The following COL25A1 variants were observed in gnomAD, a reference collection of about 807,000 sequenced individuals.
COL25A1 encodes the protein collagen alpha-1(XXV) chain.
In COL25A1, 103 loss-of-function variants were observed where a neutral mutation model predicts 128.4. The ratio of observed to expected loss-of-function variants is 0.80; its 90% CI spans 0.68 to 0.94. The LOEUF is 0.94. Among genes scored for constraint, COL25A1 ranks in the 40% least tolerant of loss-of-function variants. COL25A1 has a pLI of 0.00. For missense variants in COL25A1, 745 were observed against 840.0 expected, an observed-to-expected ratio of 0.89 and a Z score of 1.40; for synonymous variants, 279 against 277.2, an observed-to-expected ratio of 1.01 and a Z score of -0.06.
rs1362011627 is a variant in COL25A1, at chr4:109,218,366, T to TTGTTTG, written c.367+82216_367+82217insCAAACA. On this transcript the variant is annotated intron_variant, in intron 3 of 37. Coordinates refer to ENST00000399132, the MANE Select transcript of COL25A1 (RefSeq NM_198721.4). The stretch of plus-strand genomic sequence containing the variant: ...TTGCTGGTTTTTTGGGGTTTTTTTT[T>TTGTTTG]TTTTTTTTTTTTTTTTGCTTTTGAA... Among the ~76,000 whole-genome samples the TTGTTTG allele has an allele frequency of 3.2e-3, 433 of 134,074 alleles. 5 individuals carry two copies. Among genetic ancestry groups the TTGTTTG allele is most frequent in the African/African-American group, 0.012 (409 of 33,706 alleles). The allele number at this position is 134,074 out of a possible 152,430, so 88.0% of individuals were successfully genotyped here.
intron 3 of COL25A1, among the ~76,000 whole-genome samples, chr4:109,160,709 G>A (rs1772489786): frequency 6.6e-6 from 1 of 152,094 alleles, no homozygotes; most frequent in Non-Finnish European, 1.5e-5. Context: ...AGAGCTCTAT[G>A]ACCCACGCAC....
chr4:108,848,183 T>C (rs1288639615), intron 27 of COL25A1, among the ~76,000 whole-genome samples: 1 of 152,222 alleles, frequency 6.6e-6, no homozygotes, highest in Admixed American at 6.5e-5. Flanking sequence ...ACAGATTGTA[T>C]GTGGCCTGTA....
chr4:109,237,331 C>T (rs898214111), intron 3 of COL25A1, among the ~76,000 whole-genome samples: 3 of 151,974 alleles, frequency 2.0e-5, no homozygotes, highest in African/African-American at 7.2e-5. Flanking sequence ...AATTTGTCTC[C>T]ATTCATAAGT....
At chr4:108,942,137 A>T in intron 8 of COL25A1, 1 of 1,480,558 alleles carries the variant, frequency 6.8e-7, no homozygotes, top group South Asian at 1.2e-5. Context: ...CGGCAAGCCA[A>T]TTGAATGGTT....
chr4:109,157,275 T>G (rs1205137438), intron 3 of COL25A1, among the ~76,000 whole-genome samples: 1 of 152,198 alleles, frequency 6.6e-6, no homozygotes, highest in South Asian at 2.1e-4. Flanking sequence ...TCTCGTATCT[T>G]CAAGATTGTC....
chr4:109,274,188 T>C (rs1258160232), intron 3 of COL25A1, among the ~76,000 whole-genome samples: 1 of 149,368 alleles, frequency 6.7e-6, no homozygotes, highest in Non-Finnish European at 1.5e-5. Context: ...TTCAATCAAA[T>C]GTTCTATTTA....
chr4:109,245,948 A>G (rs938561436), intron 3 of COL25A1, among the ~76,000 whole-genome samples: 1 of 149,584 alleles, frequency 6.7e-6, no homozygotes, highest in Non-Finnish European at 1.5e-5. Context: ...TAGGAGAGAT[A>G]TGCAGAGGCC....
At chr4:109,292,903 T>C (rs1481361907) in intron 3 of COL25A1, among the ~76,000 whole-genome samples, 2 of 152,102 alleles carry the variant, frequency 1.3e-5, no homozygotes, top group African/African-American at 4.8e-5. Flanking sequence ...CAAAGTTCAC[T>C]TAGGAGCCCT....
intron 3 of COL25A1, among the ~76,000 whole-genome samples, chr4:109,177,762 G>A (rs904840549): frequency 1.3e-5 from 2 of 152,180 alleles, no homozygotes; most frequent in African/African-American, 4.8e-5. Context: ...AATTTAAAAC[G>A]AAAGCATAAA....
intron 8 of COL25A1, among the ~76,000 whole-genome samples, chr4:108,973,431 C>T (rs139043474): frequency 4.6e-5 from 7 of 152,294 alleles, no homozygotes; most frequent in Non-Finnish European, 8.8e-5. Flanking sequence ...GGAGATAATA[C>T]AACTACAAAC....
intron 3 of COL25A1, among the ~76,000 whole-genome samples, chr4:109,136,578 G>T (rs887396330): frequency 1.3e-5 from 2 of 152,200 alleles, no homozygotes; most frequent in African/African-American, 4.8e-5. Flanking sequence ...AGAGGAGAAG[G>T]AAGAATGTCC....
intron 3 of COL25A1, among the ~76,000 whole-genome samples, chr4:109,181,603 G>A (rs1236040162): frequency 6.6e-6 from 1 of 151,992 alleles, no homozygotes; most frequent in Non-Finnish European, 1.5e-5. Context: ...TTATGCAAAT[G>A]TTTTGATGTA....
chr4:108,954,920 C>A (rs532060953), intron 8 of COL25A1, among the ~76,000 whole-genome samples: 14 of 151,696 alleles, frequency 9.2e-5, no homozygotes, highest in Non-Finnish European at 1.8e-4. Context: ...GCCCAATTTA[C>A]AAACTACAGA....
chr4:108,929,183 G>A (rs556138534), intron 11 of COL25A1, among the ~76,000 whole-genome samples: 1 of 152,120 alleles, frequency 6.6e-6, no homozygotes, highest in South Asian at 2.1e-4. Context: ...GAGTGCAATG[G>A]TGCGACTTTG....
At chr4:109,141,293 G>C (rs78788642) in intron 3 of COL25A1, among the ~76,000 whole-genome samples, 1 of 152,136 alleles carries the variant, frequency 6.6e-6, no homozygotes, top group Non-Finnish European at 1.5e-5. Flanking sequence ...CGACTTGATC[G>C]TGGTGGATAA....
chr4:109,022,990 T>C (rs1757912154), intron 5 of COL25A1, among the ~76,000 whole-genome samples: 2 of 152,166 alleles, frequency 1.3e-5, no homozygotes, highest in South Asian at 4.1e-4. Flanking sequence ...ACCATACACT[T>C]CCTGTTTATA....
chr4:109,205,238 A>G (rs1776882414), intron 3 of COL25A1, among the ~76,000 whole-genome samples: 1 of 152,178 alleles, frequency 6.6e-6, no homozygotes, highest in Admixed American at 6.6e-5. Flanking sequence ...CTTAAAATAG[A>G]TTAAATATTT....
At chr4:109,268,042 T>G (rs1233950334) in intron 3 of COL25A1, among the ~76,000 whole-genome samples, 1 of 152,180 alleles carries the variant, frequency 6.6e-6, no homozygotes, top group Non-Finnish European at 1.5e-5. Context: ...CAAGCTAAAT[T>G]AACCATAAAA....
intron 13 of COL25A1, among the ~76,000 whole-genome samples, chr4:108,911,792 T>C (rs1744250543): frequency 6.6e-6 from 1 of 150,888 alleles, no homozygotes; most frequent in African/African-American, 2.4e-5. Context: ...TAATAAACAT[T>C]TGCTTCGCTG....
Sources: allele counts gnomAD v4.1 joint callset (sites outside exome capture counted in the v4.1 genomes callset), GRCh38; gene constraint gnomAD v4.1.1; transcripts MANE v1.5; gene names NCBI Gene and HGNC (gene_info 2026-07-23, HGNC 2026-07-21).